The following ZNF33B variants were observed in gnomAD, a reference collection of about 807,000 sequenced individuals.
The protein encoded by ZNF33B is zinc finger protein 33B.
A neutral mutation model predicts 45.8 loss-of-function variants in ZNF33B; 29 were observed. The ratio of observed to expected loss-of-function variants is 0.63; its 90% CI spans 0.47 to 0.86. ZNF33B has a LOEUF of 0.86. Among genes scored for constraint, ZNF33B ranks in the 40% least tolerant of loss-of-function variants. The pLI, the probability that ZNF33B is intolerant of heterozygous loss-of-function variation, is 0.00. For synonymous variants in ZNF33B, 305 were observed against 307.8 expected (o/e 0.99, Z 0.10); for missense variants, 831 against 909.9 (o/e 0.91, Z 1.12).
intron 4 of ZNF33B, among the ~76,000 whole-genome samples, chr10:42,631,517 T>C (rs1424753447): frequency 6.6e-6 from 1 of 152,184 alleles, no homozygotes; most frequent in Non-Finnish European, 1.5e-5. Flanking sequence ...TTCATTATCA[T>C]ATCCTCAGCA....
rs1280251440 is a variant in ZNF33B at position 42,593,114 on chromosome 10, A to T, written c.1836T>A (p.Asn612Lys). 6.2e-7 allele frequency: 1 copy of T among 1,613,776 alleles called. No homozygotes were observed. The highest frequency in any genetic ancestry group is 1.1e-5 in the South Asian group (1 of 91,060). The change falls in exon 5 of 5, where the codon AAT becomes AAA. Residue 612 changes from asparagine to lysine, a missense_variant. Coordinates refer to ENST00000359467, the MANE Select transcript of ZNF33B (RefSeq NM_006955.3). ...TCTGGCAGAAGGTTTTTCCACATTC[A>T]TTACATTCATAGGGTTTCTCCCCTG... ...THTGEKPYEC[N>K]ECGKTFCQKS...
intron 1 of ZNF33B, among the ~76,000 whole-genome samples, chr10:42,579,406 A>G (rs1405411291): frequency 6.6e-6 from 1 of 152,158 alleles, no homozygotes; most frequent in African/African-American, 2.4e-5. Flanking sequence ...TTTTGAAACT[A>G]ATGTTTCATT....
At chr10:42,632,129 T>C in intron 3 of ZNF33B, 105 bp from the exon 4 acceptor site, 1 of 1,494,374 alleles carries the variant, frequency 6.7e-7, no homozygotes, top group East Asian at 2.3e-5. Flanking sequence ...AGTGGAACAT[T>C]TTCACTGGAG....
At position 42,593,786 on chromosome 10, in the gene ZNF33B, A is replaced by T. The variant is rs1837263264; in HGVS notation, c.1164T>A (p.Asn388Lys). ...SHTGEKPFEC[N>K]ECGKAFSHKS... is the part of the protein sequence containing the mutation. ...TATGGCTAAAGGCTTTCCCACATTC[A>T]TTGCATTCAAAAGGTTTCTCCCCTG... is the stretch of plus-strand genomic sequence containing the variant. Residue 388 changes from asparagine (N) to lysine (K), a missense_variant, in exon 5 of 5, where the codon AAT (asparagine) becomes AAA (lysine). Transcript: ENST00000359467. 3.7e-6 allele frequency: 6 copies of T among 1,613,976 alleles called. No homozygotes were observed. Among genetic ancestry groups the T allele is most frequent in the Non-Finnish European group, 4.2e-6 (5 of 1,179,938 alleles).
At chr10:42,632,608 T>A (rs1403317912) in intron 2 of ZNF33B, among the ~76,000 whole-genome samples, 169 bp from the exon 3 acceptor site, 1 of 152,176 alleles carries the variant, frequency 6.6e-6, no homozygotes. Flanking sequence ...GCAAAAAAAT[T>A]ATCAAGTTCC....
chr10:42,606,643 A>G (rs1423325576), intron 4 of ZNF33B, among the ~76,000 whole-genome samples: 2 of 152,036 alleles, frequency 1.3e-5, no homozygotes, highest in African/African-American at 4.8e-5. Context: ...ACATCAACAC[A>G]TGAACACAGG....
chr10:42,582,954 C>T (rs1363893037), intron 1 of ZNF33B: 16 of 584,818 alleles, frequency 2.7e-5, no homozygotes, highest in East Asian at 8.9e-5. Context: ...CACAGCACGC[C>T]AGTGTTGGAG....
In ZNF33B at chr10:42,590,163, T is replaced by C. The variant is rs2132027126; in HGVS notation, c.*2450A>G. The C allele has an allele frequency of 6.6e-6, 1 of 152,352 alleles. No individual in the cohort carries two copies. Among genetic ancestry groups the C allele is most frequent in the Non-Finnish European group, 1.5e-5 (1 of 68,022 alleles). The allele number at this position is 152,352 out of a possible 1,614,324, so 9.4% of individuals were successfully genotyped here. On this transcript the variant is annotated 3_prime_UTR_variant, in exon 5 of 5. Transcript: ENST00000359467. ...CATTTTAAGGATTTCTGCATCTGTGTTCACTGGAAATATTGATCTGTAGTT... is the reference window on the plus strand; with the variant it reads ...CATTTTAAGGATTTCTGCATCTGTGCTCACTGGAAATATTGATCTGTAGTT...
chr10:42,610,876 A>G (rs2132093412), intron 4 of ZNF33B, among the ~76,000 whole-genome samples: 1 of 152,366 alleles, frequency 6.6e-6, no homozygotes, highest in South Asian at 2.1e-4. Context: ...AGAAAGTTAG[A>G]AGACATACAC....
intron 4 of ZNF33B, among the ~76,000 whole-genome samples, chr10:42,609,722 A>C (rs769073472): frequency 6.6e-6 from 1 of 152,230 alleles, no homozygotes; most frequent in Non-Finnish European, 1.5e-5. Flanking sequence ...TACAATGATC[A>C]AAGGGGATTT....
At chr10:42,588,234 A>C (rs1020125935), downstream of ZNF33B, among the ~76,000 whole-genome samples, 11 of 152,206 alleles carry the variant, frequency 7.2e-5, no homozygotes, top group Non-Finnish European at 1.6e-4. Context: ...GCAGGGATAC[A>C]GCCAATGGGA....
Position 42,609,252 on chromosome 10 carries a change from T to TA in ZNF33B, c.251-14554dup, listed in dbSNP as rs1480575992. Among the ~76,000 whole-genome samples, 7 of 151,902 alleles carry TA rather than the reference T, an allele frequency of 4.6e-5. No individual in the cohort carries two copies. In the East Asian group the frequency reaches 7.8e-4, roughly 17 times the overall value. On this transcript the variant is annotated intron_variant, in intron 4 of 4. Transcript: ENST00000359467. ...GCAACATGGTGAAACCCCCTCTCTATAAAAAAATTACAAAAAATTAGCTGC... is the reference window on the plus strand; with the variant it reads ...GCAACATGGTGAAACCCCCTCTCTATAAAAAAAATTACAAAAAATTAGCTGC...
chr10:42,638,554 G>T lies in ZNF33B; in HGVS notation c.-125C>A. On this transcript the variant is annotated 5_prime_UTR_variant, in exon 1 of 5. Transcript: ENST00000359467. ...CCCGGGACCGCCTCCCACGCAAAAC[G>T]TGAGACAAACAAAAGGAAAGGCGGA... is the stretch of plus-strand genomic sequence containing the variant. The T allele has an allele frequency of 4.2e-6, 2 of 477,444 alleles. No homozygotes were observed. Among genetic ancestry groups the T allele is most frequent in the Admixed American group, 2.2e-5 (1 of 44,464 alleles). 29.6% of individuals were successfully genotyped at this position (477,444 alleles called of 1,614,324 possible). A position where few individuals can be genotyped will look rare whatever the true frequency, so the allele number is the denominator to read the frequency against.
intron 4 of ZNF33B, among the ~76,000 whole-genome samples, chr10:42,603,802 G>C (rs1011714112): frequency 2.7e-5 from 4 of 150,388 alleles, no homozygotes; most frequent in Admixed American, 2.7e-4. Context: ...CTCAAAGAGA[G>C]CACTGTTAAC....
intron 4 of ZNF33B, among the ~76,000 whole-genome samples, chr10:42,596,782 G>C (rs1421032066): frequency 1.3e-5 from 2 of 151,738 alleles, no homozygotes; most frequent in African/African-American, 2.4e-5. Flanking sequence ...TTTTTCTCCT[G>C]TCACCTAGCT....
intron 4 of ZNF33B, among the ~76,000 whole-genome samples, chr10:42,618,376 T>C (rs934201709): frequency 1.3e-5 from 2 of 152,248 alleles, no homozygotes; most frequent in Non-Finnish European, 2.9e-5. Flanking sequence ...GTTTGGGCTA[T>C]GACCCATAAA....
intron 4 of ZNF33B, among the ~76,000 whole-genome samples, chr10:42,601,283 C>T (rs1345076801): frequency 1.3e-5 from 2 of 151,972 alleles, no homozygotes; most frequent in Non-Finnish European, 1.5e-5. Context: ...TTCTTCATGC[C>T]TCTTGTGCTC....
intron 4 of ZNF33B, among the ~76,000 whole-genome samples, chr10:42,631,358 A>G (rs1353094107): frequency 6.6e-6 from 1 of 152,144 alleles, no homozygotes; most frequent in African/African-American, 2.4e-5. Context: ...GGCACCTGCC[A>G]CCACGCCCAG....
rs1002742213 is a variant in ZNF33B, at chr10:42,608,598, T to C, written c.251-13899A>G. On this transcript the variant is annotated intron_variant, in intron 4 of 4. Coordinates refer to ENST00000359467, the MANE Select transcript of ZNF33B (RefSeq NM_006955.3). ...GCAAATTAGAAAAAATGCTATGAGG[T>C]AAAAATGAAGACATACTCAAACTTA... Among the ~76,000 whole-genome samples the C allele has an allele frequency of 2.0e-5, 3 of 151,038 alleles. No individual in the cohort carries two copies. In the East Asian group the frequency reaches 5.8e-4, roughly 29 times the overall value.
Sources: allele counts gnomAD v4.1 joint callset (sites outside exome capture counted in the v4.1 genomes callset), GRCh38; gene constraint gnomAD v4.1.1; transcripts MANE v1.5; gene names NCBI Gene and HGNC (gene_info 2026-07-23, HGNC 2026-07-21).